Variants in DIAPH2 observed in about 807,000 individuals in gnomAD.
DIAPH2 encodes diaphanous related formin 2, also known as protein diaphanous homolog 2.
DIAPH2 carries 35 observed loss-of-function variants against 92.7 expected under a neutral mutation model. The ratio of observed to expected loss-of-function variants is 0.38; its 90% CI spans 0.29 to 0.50. The LOEUF is 0.50. Among genes scored for constraint, DIAPH2 ranks in the 20% least tolerant of loss-of-function variants. The pLI, the probability that DIAPH2 is intolerant of heterozygous loss-of-function variation, is 0.94. For synonymous variants in DIAPH2, 301 were observed against 280.4 expected (o/e 1.07, Z -0.73); for missense variants, 701 against 819.5 (o/e 0.86, Z 1.77).
chrX:97,226,694 T>C (rs1213554975), intron 22 of DIAPH2, among the ~76,000 whole-genome samples: 1 of 111,707 alleles, frequency 9.0e-6, no homozygotes, highest in African/African-American at 3.2e-5. Flanking sequence ...TTTTAAAGTA[T>C]GTAATGTAAA....
chrX:96,767,056 C>T lies in DIAPH2; in HGVS notation c.447+8798C>T, dbSNP rs1173990704. On this transcript the variant is annotated intron_variant, in intron 4 of 26. Transcript: ENST00000324765. Reference sequence around the variant, plus strand: ...GCTCTTCCATGAAGCCTGTCTTGATCTTGATCCGCTCTCCCATTTCCACCT... The same window carrying T: ...GCTCTTCCATGAAGCCTGTCTTGATTTTGATCCGCTCTCCCATTTCCACCT... Among the ~76,000 whole-genome samples the T allele has an allele frequency of 2.7e-5, 3 of 111,565 alleles. No homozygotes were observed. In the East Asian group the frequency reaches 8.4e-4, roughly 31 times the overall value.
chrX:97,227,856 A>T (rs12384485), intron 22 of DIAPH2, among the ~76,000 whole-genome samples: 40,821 of 110,679 alleles, frequency 0.37, 5,420 homozygotes, highest in East Asian at 0.64. Flanking sequence ...TCCAGTTTTT[A>T]AAAATCCAAG....
In DIAPH2 at chrX:97,142,172, A is replaced by G. The variant is rs190324699; in HGVS notation, c.2719+378A>G. On this transcript the variant is annotated intron_variant, in intron 22 of 26. Transcript: ENST00000324765. ...GAGTGTGGTTAAAATATAGTAAATGAGAAAAATGTGTGTATATATACATAC... is the reference window on the plus strand; with the variant it reads ...GAGTGTGGTTAAAATATAGTAAATGGGAAAAATGTGTGTATATATACATAC... Among the ~76,000 whole-genome samples the G allele has an allele frequency of 1.7e-3, 187 of 111,791 alleles. 2 individuals carry two copies. Among genetic ancestry groups the G allele is most frequent in the Non-Finnish European group, 2.5e-3 (133 of 53,100 alleles).
At chrX:96,738,300 C>T (rs773049319) in intron 2 of DIAPH2, among the ~76,000 whole-genome samples, 65 of 109,773 alleles carry the variant, frequency 5.9e-4, no homozygotes, top group Admixed American at 9.6e-4. Flanking sequence ...GACTTTGATC[C>T]GAGACTTTTT....
intron 26 of DIAPH2, among the ~76,000 whole-genome samples, chrX:97,438,136 A>AG (rs1296509224): frequency 3.8e-5 from 4 of 105,810 alleles, no homozygotes; most frequent in African/African-American, 1.4e-4. Context: ...AAAAAAAAAA[A>AG]GAAAAAAAAA....
intron 4 of DIAPH2, among the ~76,000 whole-genome samples, chrX:96,871,286 G>A (rs192196934): frequency 0.022 from 2,395 of 109,276 alleles, 111 homozygotes; most frequent in Admixed American, 0.15. Context: ...GGCTAACACG[G>A]TGAAACCCCG....
intron 26 of DIAPH2, among the ~76,000 whole-genome samples, chrX:97,515,484 G>A (rs60453002): frequency 0.016 from 1,761 of 112,152 alleles, 31 homozygotes; most frequent in African/African-American, 0.054. Flanking sequence ...CGTCGCTCAC[G>A]CTGGGAGCTG....
chrX:97,150,154 A>C (rs1464344470), intron 22 of DIAPH2, among the ~76,000 whole-genome samples: 1 of 111,971 alleles, frequency 8.9e-6, no homozygotes, highest in Admixed American at 9.5e-5. Flanking sequence ...AAGGAAGATA[A>C]GCTCAGGAAA....
intron 26 of DIAPH2, among the ~76,000 whole-genome samples, chrX:97,450,924 T>G (rs1248057081): frequency 1.9e-5 from 2 of 108,105 alleles, no homozygotes; most frequent in African/African-American, 3.4e-5. Context: ...AGATTTGTAA[T>G]TTTTAAGAAG....
chrX:97,329,936 A>ACC (rs1318112145), intron 23 of DIAPH2, among the ~76,000 whole-genome samples: 10 of 75,225 alleles, frequency 1.3e-4, no homozygotes, highest in African/African-American at 4.9e-4. Context: ...ACACACACAC[A>ACC]CCCCACATGC....
In DIAPH2 at chrX:97,221,834, G is replaced by T. The variant is rs2067928035; in HGVS notation, c.2720-25881G>T. Among the ~76,000 whole-genome samples the T allele has an allele frequency of 2.7e-5, 3 of 109,723 alleles. No homozygotes were observed. In the Admixed American group the frequency reaches 2.9e-4, roughly 11 times the overall value. On this transcript the variant is annotated intron_variant, in intron 22 of 26. Transcript: ENST00000324765. Reference sequence around the variant, plus strand: ...ACTTTTCCCGCAATTTAACAAAAATGATTTTGCTCCTTCTTTTTTTTTTTC... The same window carrying T: ...ACTTTTCCCGCAATTTAACAAAAATTATTTTGCTCCTTCTTTTTTTTTTTC...
At chrX:97,282,551 C>T (rs1027779313) in intron 23 of DIAPH2, among the ~76,000 whole-genome samples, 35 of 111,589 alleles carry the variant, frequency 3.1e-4, no homozygotes, top group Non-Finnish European at 3.8e-4. Context: ...CCTCATGATT[C>T]GCCTGCCTTG....
At chrX:97,118,056 G>A (rs2067028740) in intron 21 of DIAPH2, among the ~76,000 whole-genome samples, 1 of 111,058 alleles carries the variant, frequency 9.0e-6, no homozygotes, top group African/African-American at 3.3e-5. Context: ...AGCTTTGTGG[G>A]TTTATCAAAT....
chrX:97,425,535 G>T (rs1467792900), intron 25 of DIAPH2, among the ~76,000 whole-genome samples: 1 of 110,687 alleles, frequency 9.0e-6, no homozygotes, highest in Non-Finnish European at 1.9e-5. Context: ...AGCACCTTGG[G>T]AGGCTGAGGT....
chrX:97,553,900 C>G (rs992255662), intron 26 of DIAPH2, among the ~76,000 whole-genome samples: 12 of 111,009 alleles, frequency 1.1e-4, no homozygotes, highest in African/African-American at 3.9e-4. Context: ...TCAGCACATA[C>G]CTGGTTTATA....
intron 1 of DIAPH2, among the ~76,000 whole-genome samples, chrX:96,718,336 GTTTTTTTTTTTTTTTTTTTTTTTTTTT>G (rs962776012): frequency 3.6e-4 from 4 of 10,987 alleles, no homozygotes; most frequent in African/African-American, 1.8e-3. Context: ...CATTTTCTTT[GTTTTTTTTTTTTTTTTTTTTTTTTTTT>G]TTTTTTTTTT....
chrX:96,708,245 CA>C (rs1283086730), intron 1 of DIAPH2, among the ~76,000 whole-genome samples: 1 of 56,654 alleles, frequency 1.8e-5, no homozygotes, highest in Non-Finnish European at 3.0e-5. Flanking sequence ...CCACCCAGAT[CA>C]TTTTTTTTTT....
intron 26 of DIAPH2, among the ~76,000 whole-genome samples, chrX:97,528,042 A>C (rs1229390484): frequency 1.8e-5 from 2 of 111,834 alleles, no homozygotes; most frequent in Non-Finnish European, 3.8e-5. Flanking sequence ...TTATATGCAA[A>C]TATGAGGATT....
At chrX:96,897,710 C>A (rs1291702948) in intron 5 of DIAPH2, among the ~76,000 whole-genome samples, 1 of 108,702 alleles carries the variant, frequency 9.2e-6, no homozygotes, top group Non-Finnish European at 1.9e-5. Context: ...AATTTTTTTT[C>A]AATTTTTTTA....
Sources: gnomAD v4.1 joint callset for allele counts (sites outside exome capture counted in the v4.1 genomes callset) on GRCh38, gnomAD v4.1.1 for gene constraint, MANE v1.5 for transcripts, NCBI Gene and HGNC (gene_info 2026-07-23, HGNC 2026-07-21) for gene names.